Variants in SACS observed in about 807,000 individuals in gnomAD.
The protein encoded by SACS is sacsin molecular chaperone.
Under a neutral mutation model 348.0 loss-of-function variants are expected in SACS, and 197 were observed. That is an observed-to-expected ratio of 0.57 (90% confidence interval 0.50 to 0.64). The LOEUF (loss-of-function observed/expected upper bound fraction) is 0.64, where lower values mean the gene tolerates loss of function less well. Among genes scored for constraint, SACS ranks in the 30% least tolerant of loss-of-function variants. The pLI, the probability that SACS is intolerant of heterozygous loss-of-function variation, is 0.00. For missense variants in SACS, 4,999 were observed against 5,360.8 expected (o/e 0.93, Z 2.11); for synonymous variants, 1,985 against 1,910.6 (o/e 1.04, Z -1.02).
At chr13:23,373,255 A>T (rs1418276366) in intron 3 of SACS, among the ~76,000 whole-genome samples, 1 of 152,174 alleles carries the variant, frequency 6.6e-6, no homozygotes, top group Non-Finnish European at 1.5e-5. Context: ...AGTCTGCCTA[A>T]AGTCCTCAAT....
intron 4 of SACS, among the ~76,000 whole-genome samples, chr13:23,369,548 CT>C (rs775893158): frequency 1.3e-3 from 182 of 143,824 alleles, no homozygotes; most frequent in Non-Finnish European, 1.6e-3. Flanking sequence ...CCCACCCATT[CT>C]TTTTTTTTTT....
intron 1 of SACS, among the ~76,000 whole-genome samples, chr13:23,424,323 C>T (rs1431097752): frequency 6.6e-6 from 1 of 151,972 alleles, no homozygotes; most frequent in Non-Finnish European, 1.5e-5. Flanking sequence ...GTCGGGAGTT[C>T]GAGAGCAGCC....
At chr13:23,385,905 C>T (rs987709843) in intron 2 of SACS, among the ~76,000 whole-genome samples, 2 of 152,310 alleles carry the variant, frequency 1.3e-5, no homozygotes, top group African/African-American at 2.4e-5. Flanking sequence ...AGCTCTTGGG[C>T]GACCAGGTGC....
chr13:23,344,698 A>G (rs908431084), intron 9 of SACS, among the ~76,000 whole-genome samples: 3 of 152,242 alleles, frequency 2.0e-5, no homozygotes, highest in African/African-American at 7.2e-5. Context: ...TGGTTTTTGT[A>G]GCCTTAAAAA....
At chr13:23,430,657 A>G (rs1486442739) in intron 1 of SACS, among the ~76,000 whole-genome samples, 1 of 152,228 alleles carries the variant, frequency 6.6e-6, no homozygotes, top group Non-Finnish European at 1.5e-5. Flanking sequence ...TGAGGTAAGG[A>G]TTTAAATGAT....
intron 2 of SACS, among the ~76,000 whole-genome samples, chr13:23,406,745 C>T (rs748044346): frequency 6.6e-6 from 1 of 152,080 alleles, no homozygotes. Context: ...CCCCTCACGT[C>T]ATCAATTATT....
At position 23,411,443 on chromosome 13, in the gene SACS, CT is replaced by C; in HGVS notation, c.-205del. The C allele has an allele frequency of 1.6e-6, 1 of 613,206 alleles. No individual in the cohort carries two copies. 38.0% of individuals were successfully genotyped at this position (613,206 alleles called of 1,614,324 possible). On this transcript the variant is annotated 5_prime_UTR_variant, in exon 2 of 10. It removes the in-frame stop codon of an upstream open reading frame in the 5' UTR. Transcript: ENST00000382292. Reference sequence around the variant, plus strand: ...ATTGTCGTGTGTTGCATTTGTATTCCTTAAAGTATGACTCTCCAGTCTGATA... The same window carrying C: ...ATTGTCGTGTGTTGCATTTGTATTCCTAAAGTATGACTCTCCAGTCTGATA...
rs1883353621 is a variant in SACS at position 23,329,839 on chromosome 13, T to C, written c.*297A>G. Reference sequence around the variant, plus strand: ...AACCAGAGACATACATAGACTCTTATCTAACAAACTGCTAAGCTTTGGTTA... The same window carrying C: ...AACCAGAGACATACATAGACTCTTACCTAACAAACTGCTAAGCTTTGGTTA... On this transcript the variant is annotated 3_prime_UTR_variant, in exon 10 of 10. Coordinates refer to ENST00000382292, the MANE Select transcript of SACS (RefSeq NM_014363.6). The C allele has an allele frequency of 2.0e-6, 1 of 499,690 alleles. No individual in the cohort carries two copies. The allele number at this position is 499,690 out of a possible 1,614,324, so 31.0% of individuals were successfully genotyped here.
chr13:23,402,584 G>C (rs1437794713), intron 2 of SACS, among the ~76,000 whole-genome samples: 1 of 152,194 alleles, frequency 6.6e-6, no homozygotes, highest in East Asian at 1.9e-4. Flanking sequence ...ATATGACAAA[G>C]GCTTTGACTG....
Position 23,375,665 on chromosome 13 carries a change from GC to G in SACS, c.21-397del, listed in dbSNP as rs566020811. 1.3e-4 allele frequency: 75 copies of G among 588,768 alleles called. 1 individual carries two copies. The African/African-American group carries it at 2.5e-3, about 19-fold the overall frequency. 36.5% of individuals were successfully genotyped at this position (588,768 alleles called of 1,614,324 possible). On this transcript the variant is annotated intron_variant, in intron 2 of 9. Transcript: ENST00000382292. The stretch of plus-strand genomic sequence containing the variant: ...CGCCCCGCCCCTCCCGCCAGGCCCC[GC>G]CCCCAGGGAACGCCCATCCAGGCCC...
At chr13:23,380,909 G>T (rs1290513066) in intron 2 of SACS, among the ~76,000 whole-genome samples, 1 of 152,206 alleles carries the variant, frequency 6.6e-6, no homozygotes. Context: ...TGGCGCCAGA[G>T]ATGGACAAAT....
At position 23,334,649 on chromosome 13, in the gene SACS, G is replaced by GT. The variant is rs1868407591; in HGVS notation, c.9226dup (p.Thr3076AsnfsTer3). The GT allele has an allele frequency of 6.2e-7, 1 of 1,613,356 alleles. No individual in the cohort carries two copies. The highest frequency in any genetic ancestry group is 8.5e-7 in the Non-Finnish European group (1 of 1,179,676). ...TATAAGACAGTGGTAAAGATTAGCAGTTTCATCACAGTTATAAACCAAGTT... is the reference window on the plus strand; with the variant it reads ...TATAAGACAGTGGTAAAGATTAGCAGTTTTCATCACAGTTATAAACCAAGTT... On this transcript the variant is annotated frameshift_variant, in exon 10 of 10. Transcript: ENST00000382292. LOFTEE classifies it high-confidence loss of function.
intron 2 of SACS, among the ~76,000 whole-genome samples, chr13:23,399,553 A>G (rs1055615194): frequency 1.3e-5 from 2 of 152,034 alleles, no homozygotes; most frequent in Admixed American, 1.3e-4. Context: ...ACAGTAGCCA[A>G]TTGGGTCAGT....
chr13:23,334,967 A>G lies in SACS; in HGVS notation c.8909T>C (p.Leu2970Pro). ...CACTAGACAATATAAATCTGGCTGTAGATCAAGACGGTTAACTGGGAAAAA... is the reference window on the plus strand; with the variant it reads ...CACTAGACAATATAAATCTGGCTGTGGATCAAGACGGTTAACTGGGAAAAA... Reference protein sequence around the residue: ...LSFFPVNRLDLQPDLYCLVKA... With the variant: ...LSFFPVNRLDPQPDLYCLVKA... Residue 2970 changes from leucine to proline, a missense_variant, in exon 10 of 10, where the codon CTA (leucine) becomes CCA (proline). By Grantham distance (98) the Leu-to-Pro change is moderately conservative. This residue lies in a region of SACS where 734 missense variants were observed against 694.0 expected (regional missense o/e 1.06). Coordinates refer to ENST00000382292, the MANE Select transcript of SACS (RefSeq NM_014363.6). 2 of 1,613,964 alleles carry G rather than the reference A, an allele frequency of 1.2e-6. No homozygotes were observed. The highest frequency in any genetic ancestry group is 1.7e-6 in the Non-Finnish European group (2 of 1,179,866).
chr13:23,356,327 G>T lies in SACS; in HGVS notation c.605-320C>A, dbSNP rs150580583. On this transcript the variant is annotated intron_variant, in intron 7 of 9. Transcript: ENST00000382292. ...ATACACTTAACCCCCACCACCATGTGAGCCCAATTCGACAGAACAGGACTG... is the reference window on the plus strand; with the variant it reads ...ATACACTTAACCCCCACCACCATGTTAGCCCAATTCGACAGAACAGGACTG... Among the ~76,000 whole-genome samples, 69 of 152,284 alleles carry T rather than the reference G, an allele frequency of 4.5e-4. 1 individual carries two copies. In the East Asian group the frequency reaches 0.013, roughly 28 times the overall value.
intron 2 of SACS, 83 bp from the exon 3 acceptor site, chr13:23,375,352 C>A (rs968083919): frequency 6.9e-6 from 9 of 1,304,026 alleles, no homozygotes; most frequent in Non-Finnish European, 8.8e-6. Flanking sequence ...CCCGCGTTAC[C>A]TCTCCCACAT....
chr13:23,395,914 T>A (rs1872695122), intron 2 of SACS, among the ~76,000 whole-genome samples: 1 of 152,200 alleles, frequency 6.6e-6, no homozygotes, highest in Non-Finnish European at 1.5e-5. Context: ...TATATACGTA[T>A]GCATGTATGT....
At chr13:23,365,058 G>A (rs978645911) in intron 6 of SACS, 108 bp downstream of exon 6, 29 of 750,278 alleles carry the variant, frequency 3.9e-5, no homozygotes, top group Non-Finnish European at 5.6e-5. Context: ...ACATAAACAT[G>A]CCAAAAAGTA....
chr13:23,354,700 A>G lies in SACS; in HGVS notation c.1912T>C (p.Cys638Arg), dbSNP rs200333323. 8 of 1,613,880 alleles carry G rather than the reference A, an allele frequency of 5.0e-6. No homozygotes were observed. Among genetic ancestry groups the G allele is most frequent in the Non-Finnish European group, 6.8e-6 (8 of 1,179,812 alleles). The change falls in exon 8 of 10, where the codon TGT becomes CGT. Residue 638 changes from cysteine to arginine, a missense_variant. Around this residue, in one of 6 missense-constraint regions of SACS, gnomAD observed 3,156 missense variants for 3,380.1 expected, o/e 0.93. Transcript: ENST00000382292. ...PAWVRQVLRK[C>R]AHLGCAEEKL... ...TCTTCAGCACAGCCCAGGTGTGCAC[A>G]CTTCCGCAGCACCTGCCGCACCCAC...
Sources: allele counts gnomAD v4.1 joint callset (sites outside exome capture counted in the v4.1 genomes callset), GRCh38; gene constraint gnomAD v4.1.1; regional missense constraint gnomAD v4.1.1; transcripts MANE v1.5; gene names NCBI Gene and HGNC (gene_info 2026-07-23, HGNC 2026-07-21).